CCSER1: variants seen among roughly 807,000 people sequenced by gnomAD.
CCSER1 encodes coiled-coil serine rich protein 1.
In CCSER1, 41 loss-of-function variants were observed where a neutral mutation model predicts 82.0. The observed-to-expected ratio is 0.50, with a 90% confidence interval of 0.39 to 0.65. The LOEUF (loss-of-function observed/expected upper bound fraction) is 0.65, where lower values mean the gene tolerates loss of function less well. Ranked by LOEUF, CCSER1 falls within the 30% of genes least tolerant of loss-of-function variation. The pLI is 0.00. For synonymous variants in CCSER1, 414 were observed against 383.9 expected (o/e 1.08, Z -0.92); for missense variants, 1,119 against 1,064.2 (o/e 1.05, Z -0.72).
intron 10 of CCSER1, among the ~76,000 whole-genome samples, chr4:91,258,569 C>A (rs1740871074): frequency 6.6e-6 from 1 of 151,990 alleles, no homozygotes; most frequent in Admixed American, 6.6e-5. Context: ...TTCTGTGACA[C>A]AAACTAAGTT....
intron 1 of CCSER1, among the ~76,000 whole-genome samples, chr4:90,215,184 G>A (rs1488481563): frequency 6.6e-6 from 1 of 152,128 alleles, no homozygotes; most frequent in African/African-American, 2.4e-5. Flanking sequence ...CATGTTCACC[G>A]TTCCTGAGAA....
chr4:90,852,720 T>G (rs1016267990), intron 8 of CCSER1, among the ~76,000 whole-genome samples: 2 of 152,170 alleles, frequency 1.3e-5, no homozygotes, highest in East Asian at 3.9e-4. Flanking sequence ...AAAGGAAGGG[T>G]AAATGAAGTA....
At chr4:91,192,003 A>G (rs1316016761) in intron 10 of CCSER1, among the ~76,000 whole-genome samples, 1 of 152,106 alleles carries the variant, frequency 6.6e-6, no homozygotes, top group Non-Finnish European at 1.5e-5. Context: ...GGTGCCATCT[A>G]GGTTTCTTCT....
At chr4:91,084,926 T>C (rs547553576) in intron 9 of CCSER1, among the ~76,000 whole-genome samples, 1 of 152,048 alleles carries the variant, frequency 6.6e-6, no homozygotes, top group South Asian at 2.1e-4. Flanking sequence ...ATAAATGCTG[T>C]AGCCAAATGA....
chr4:91,140,088 A>G (rs2148927313), intron 10 of CCSER1, among the ~76,000 whole-genome samples: 1 of 152,182 alleles, frequency 6.6e-6, no homozygotes, highest in East Asian at 1.9e-4. Flanking sequence ...TTTATTCCTA[A>G]TGACTGGTTA....
intron 10 of CCSER1, among the ~76,000 whole-genome samples, chr4:91,421,526 C>T (rs894354494): frequency 3.1e-4 from 47 of 152,108 alleles, no homozygotes; most frequent in African/African-American, 1.0e-3. Flanking sequence ...TATATGGAGG[C>T]GTATCTTCTT....
At chr4:91,584,208 G>A (rs1420351262) in intron 10 of CCSER1, among the ~76,000 whole-genome samples, 1 of 151,410 alleles carries the variant, frequency 6.6e-6, no homozygotes, top group Non-Finnish European at 1.5e-5. Context: ...TTGAGGGTCT[G>A]GAGGCATAAT....
chr4:90,716,059 T>C (rs1741579670), intron 6 of CCSER1, among the ~76,000 whole-genome samples: 1 of 151,202 alleles, frequency 6.6e-6, no homozygotes, highest in South Asian at 2.1e-4. Flanking sequence ...TTAATAATAA[T>C]ATATATATTA....
At chr4:90,234,365 C>T (rs1279875038) in intron 1 of CCSER1, among the ~76,000 whole-genome samples, 1 of 151,866 alleles carries the variant, frequency 6.6e-6, no homozygotes. Context: ...TACAGGTGCC[C>T]GCCACCACGC....
chr4:90,160,411 A>G (rs1729213404), intron 1 of CCSER1, among the ~76,000 whole-genome samples: 1 of 152,238 alleles, frequency 6.6e-6, no homozygotes, highest in Admixed American at 6.5e-5. Context: ...TGGGTGCCAA[A>G]TAATAAGATT....
intron 10 of CCSER1, among the ~76,000 whole-genome samples, chr4:91,226,309 A>G (rs564331080): frequency 3.3e-5 from 5 of 151,976 alleles, no homozygotes; most frequent in Non-Finnish European, 7.4e-5. Flanking sequence ...TTGGAAGAAT[A>G]TATTTATTGG....
At chr4:91,294,336 G>T (rs900995400) in intron 10 of CCSER1, among the ~76,000 whole-genome samples, 5 of 151,834 alleles carry the variant, frequency 3.3e-5, no homozygotes, top group Non-Finnish European at 7.4e-5. Context: ...AAGATCATTT[G>T]GGAAATTCTA....
chr4:90,925,184 A>G (rs1036412199), intron 9 of CCSER1, among the ~76,000 whole-genome samples: 4 of 152,176 alleles, frequency 2.6e-5, no homozygotes, highest in Non-Finnish European at 5.9e-5. Context: ...TCTTATTCTA[A>G]TATAACATCA....
rs145981881 is a variant in CCSER1, at chr4:90,569,254, G to T, written c.1725-58771G>T. ...ATAAGAAAAAAAAAACATAACTCTGGTTGCTCATGGATAAGCAGAACCCAG... is the reference window on the plus strand; with the variant it reads ...ATAAGAAAAAAAAAACATAACTCTGTTTGCTCATGGATAAGCAGAACCCAG... On this transcript the variant is annotated intron_variant, in intron 5 of 10. Coordinates refer to ENST00000509176, the MANE Select transcript of CCSER1 (RefSeq NM_001145065.2). Among the ~76,000 whole-genome samples, 34 of 152,172 alleles carry T rather than the reference G, an allele frequency of 2.2e-4. No homozygotes were observed. The South Asian group carries it at 5.2e-3, about 23-fold the overall frequency.
At chr4:90,174,881 G>A (rs1220725186) in intron 1 of CCSER1, among the ~76,000 whole-genome samples, 1 of 151,932 alleles carries the variant, frequency 6.6e-6, no homozygotes, top group Non-Finnish European at 1.5e-5. Flanking sequence ...TGGAGCAACT[G>A]GAATCCTCAT....
At chr4:90,196,280 G>A (rs1161626739) in intron 1 of CCSER1, among the ~76,000 whole-genome samples, 1 of 152,006 alleles carries the variant, frequency 6.6e-6, no homozygotes, top group Non-Finnish European at 1.5e-5. Context: ...TTAGCTATTT[G>A]TTAAGCAAGA....
intron 6 of CCSER1, among the ~76,000 whole-genome samples, chr4:90,696,457 A>AT (rs1447748806): frequency 1.3e-5 from 2 of 152,136 alleles, no homozygotes; most frequent in Non-Finnish European, 2.9e-5. Context: ...GAATTAACCA[A>AT]AATAAGAGCT....
intron 10 of CCSER1, among the ~76,000 whole-genome samples, chr4:91,123,443 AAGAT>A (rs1279299426): frequency 6.6e-6 from 1 of 151,734 alleles, no homozygotes; most frequent in African/African-American, 2.4e-5. Flanking sequence ...AATATTAAAA[AAGAT>A]AGTCATCTTT....
chr4:90,413,403 C>A (rs1755203603), intron 4 of CCSER1, among the ~76,000 whole-genome samples: 1 of 152,044 alleles, frequency 6.6e-6, no homozygotes. Flanking sequence ...CAGTGCAATT[C>A]CCTTCAAAAC....
Sources: allele counts gnomAD v4.1 joint callset (sites outside exome capture counted in the v4.1 genomes callset), GRCh38; gene constraint gnomAD v4.1.1; transcripts MANE v1.5; gene names NCBI Gene and HGNC (gene_info 2026-07-23, HGNC 2026-07-21).